NSD3: variants seen among roughly 807,000 people sequenced by gnomAD.
The protein encoded by NSD3 is histone-lysine N-methyltransferase NSD3.
In NSD3, 24 loss-of-function variants were observed where a neutral mutation model predicts 160.8. That is an observed-to-expected ratio of 0.15 (90% CI 0.11 to 0.21). The LOEUF (loss-of-function observed/expected upper bound fraction) is 0.21, where lower values mean the gene tolerates loss of function less well. Among genes scored for constraint, NSD3 ranks in the 10% least tolerant of loss-of-function variants. NSD3 has a pLI of 1.00. For synonymous variants in NSD3, 520 were observed against 600.0 expected, an observed-to-expected ratio of 0.87 and a Z score of 1.95; for missense variants, 1,157 against 1,735.9, an observed-to-expected ratio of 0.67 and a Z score of 5.93.
At chr8:38,303,368 C>T (rs986570234) in intron 14 of NSD3, 30 of 985,278 alleles carry the variant, frequency 3.0e-5, no homozygotes, top group Non-Finnish European at 9.6e-6. Flanking sequence ...TGATACCAGC[C>T]AGGTTTCAGA....
intron 1 of NSD3, among the ~76,000 whole-genome samples, chr8:38,357,118 CAAAAAAAAAAAA>C (rs966483645): frequency 1.1e-3 from 24 of 21,318 alleles, no homozygotes; most frequent in Middle Eastern, 0.028. Flanking sequence ...GACACCATCT[CAAAAAAAAAAAA>C]AAAAAAAAAA....
At position 38,317,831 on chromosome 8, in the gene NSD3, G is replaced by T; in HGVS notation, c.1855+1064C>A. The stretch of plus-strand genomic sequence containing the variant: ...TGAAGAAGAAACCAGGCAGGAAAAT[G>T]CCAATAATGATGATTGGCGAAATCA... On this transcript the variant is annotated intron_variant, in intron 9 of 23. Transcript: ENST00000317025. This position sits in a 1 kb window ranked among gnomAD's most constrained non-coding sequence, Gnocchi z 5.3. 1 of 1,492,968 alleles carries T rather than the reference G, an allele frequency of 6.7e-7. No homozygotes were observed. 92.5% of individuals were successfully genotyped at this position (1,492,968 alleles called of 1,614,324 possible).
At chr8:38,313,417 T>C (rs546803837) in intron 12 of NSD3, among the ~76,000 whole-genome samples, 1 of 152,282 alleles carries the variant, frequency 6.6e-6, no homozygotes, top group African/African-American at 2.4e-5. Context: ...CTGTTTCTCC[T>C]TCTGCATAAT....
At chr8:38,343,009 T>C (rs1810415274) in intron 2 of NSD3, among the ~76,000 whole-genome samples, 2 of 151,276 alleles carry the variant, frequency 1.3e-5, no homozygotes, top group Admixed American at 6.6e-5. Context: ...CTGGCCAACA[T>C]GGCGAAACCC....
At chr8:38,293,087 G>A (rs1189048590) in intron 16 of NSD3, among the ~76,000 whole-genome samples, 95 of 137,696 alleles carry the variant, frequency 6.9e-4, no homozygotes, top group Non-Finnish European at 1.3e-3. Context: ...GCAGTGAGCC[G>A]AGATCGTGCC....
chr8:38,337,211 A>T, intron 4 of NSD3, 94 bp downstream of exon 4: 1 of 1,126,722 alleles, frequency 8.9e-7, no homozygotes, highest in Non-Finnish European at 1.2e-6. Flanking sequence ...ATCAGATTAT[A>T]TATTACGTGT....
intron 1 of NSD3, among the ~76,000 whole-genome samples, chr8:38,377,634 T>C (rs892002781): frequency 2.0e-5 from 3 of 152,114 alleles, no homozygotes; most frequent in African/African-American, 7.2e-5. Context: ...ATTACAGGCG[T>C]GAGCCACTGC....
chr8:38,361,734 T>A (rs13267895), intron 1 of NSD3, among the ~76,000 whole-genome samples: 1 of 143,438 alleles, frequency 7.0e-6, no homozygotes, highest in Non-Finnish European at 1.5e-5. Flanking sequence ...CAGCCTGGGC[T>A]ACAGAGCGAG....
rs533010980 is a variant in NSD3, at chr8:38,316,725, G to A, written c.1856-683C>T. 2.0e-4 allele frequency: 211 copies of A among 1,056,620 alleles called. 2 individuals are homozygous for A. In the African/African-American group the frequency reaches 2.9e-3, roughly 15 times the overall value. The allele number at this position is 1,056,620 out of a possible 1,614,324, so 65.5% of individuals were successfully genotyped here. ...CAGTGTTCAAGTGCAGCCAAATCAC[G>A]TAGAGCTGGATGGGAAGGCCTCTAT... is the stretch of plus-strand genomic sequence containing the variant. On this transcript the variant is annotated intron_variant, in intron 9 of 23. Transcript: ENST00000317025. This position sits in a 1 kb window ranked among gnomAD's most constrained non-coding sequence, Gnocchi z 4.5.
At position 38,304,905 on chromosome 8, in the gene NSD3, A is replaced by T. The variant is rs1809360628; in HGVS notation, c.2441-148T>A. On this transcript the variant is annotated intron_variant, in intron 13 of 23. Coordinates refer to ENST00000317025, the MANE Select transcript of NSD3 (RefSeq NM_023034.2). ...TTTTCTTCCCTAGTCTGGCTCTGTC[A>T]TCCTATGCTATATGGCCCCTAAATG... The T allele has an allele frequency of 8.7e-6, 7 of 808,494 alleles. No homozygotes were observed. The Admixed American group carries it at 2.1e-4, about 24-fold the overall frequency. The allele number at this position is 808,494 out of a possible 1,614,324, so 50.1% of individuals were successfully genotyped here. A position where few individuals can be genotyped will look rare whatever the true frequency, so the allele number is the denominator to read the frequency against.
Position 38,381,893 on chromosome 8 carries a change from TGGG to T in NSD3, c.-142_-140del, listed in dbSNP as rs1318694759. The stretch of plus-strand genomic sequence containing the variant: ...GTGGGGCTGGGGTGCGGGCAGCCGC[TGGG>T]GCCGCGCGAGGAGGAGGCGGAACCG... On this transcript the variant is annotated 5_prime_UTR_variant, in exon 1 of 24. Transcript: ENST00000317025. The T allele has an allele frequency of 1.3e-5, 2 of 153,634 alleles. No homozygotes were observed. The highest frequency in any genetic ancestry group is 2.9e-5 in the Non-Finnish European group (2 of 69,006). The allele number at this position is 153,634 out of a possible 1,614,324, so 9.5% of individuals were successfully genotyped here.
intron 18 of NSD3, among the ~76,000 whole-genome samples, chr8:38,289,027 G>A (rs1053083096): frequency 1.3e-5 from 2 of 152,150 alleles, no homozygotes; most frequent in African/African-American, 4.8e-5. Flanking sequence ...GAGAAAATAC[G>A]CTTGTTTGTG....
At chr8:38,320,175 C>T (rs1348340592) in intron 8 of NSD3, 1 of 151,794 alleles carries the variant, frequency 6.6e-6, no homozygotes, top group African/African-American at 2.4e-5. Flanking sequence ...TTGGTGATAC[C>T]ACAGAGCACC....
intron 1 of NSD3, among the ~76,000 whole-genome samples, chr8:38,366,307 C>T (rs556317433): frequency 2.0e-5 from 3 of 151,842 alleles, no homozygotes; most frequent in East Asian, 3.9e-4. Context: ...TACCATCTAA[C>T]GTAGCAAACA....
intron 1 of NSD3, among the ~76,000 whole-genome samples, chr8:38,363,419 G>A (rs1811033186): frequency 6.6e-6 from 1 of 152,104 alleles, no homozygotes; most frequent in African/African-American, 2.4e-5. Flanking sequence ...AGAGGCGGGG[G>A]CTCACTTGAG....
chr8:38,299,989 C>T (rs1027149156), intron 14 of NSD3, among the ~76,000 whole-genome samples: 2 of 151,820 alleles, frequency 1.3e-5, no homozygotes, highest in African/African-American at 4.8e-5. Flanking sequence ...GAATCATTTA[C>T]ATAAGTAGAC....
At chr8:38,341,468 G>A (rs1395109179) in intron 2 of NSD3, among the ~76,000 whole-genome samples, 1 of 151,524 alleles carries the variant, frequency 6.6e-6, no homozygotes, top group African/African-American at 2.4e-5. Flanking sequence ...AACCTGGGAG[G>A]CAGAGGTTGC....
chr8:38,332,811 TA>T (rs927686218), intron 4 of NSD3, among the ~76,000 whole-genome samples: 5 of 150,554 alleles, frequency 3.3e-5, no homozygotes, highest in East Asian at 3.9e-4. Flanking sequence ...TTGAAAAAAG[TA>T]AAAAAAAACT....
intron 1 of NSD3, among the ~76,000 whole-genome samples, chr8:38,361,924 A>T (rs1319233285): frequency 3.3e-5 from 5 of 151,978 alleles, no homozygotes; most frequent in Non-Finnish European, 7.4e-5. Flanking sequence ...TGGAAGAGAG[A>T]GGAGCTCCTT....
Sources: gnomAD v4.1 joint callset for allele counts (sites outside exome capture counted in the v4.1 genomes callset) on GRCh38, gnomAD v4.1.1 for gene constraint, Gnocchi (gnomAD v3.1) non-coding constraint, MANE v1.5 for transcripts, NCBI Gene and HGNC (gene_info 2026-07-23, HGNC 2026-07-21) for gene names.